The following OR2L13 variants were observed in gnomAD, a reference collection of about 807,000 sequenced individuals.
The protein encoded by OR2L13 is olfactory receptor 2L13.
A neutral mutation model predicts 15.3 loss-of-function variants in OR2L13; 14 were observed. The observed-to-expected ratio is 0.91, with a 90% CI of 0.60 to 1.43. OR2L13 has a LOEUF of 1.43. Ranked by LOEUF, OR2L13 falls within the 40% of genes most tolerant of loss-of-function variation. The probability of loss-of-function intolerance (pLI) is 0.00; values close to 1 mark genes in which losing one functional copy is unlikely to be tolerated. For missense variants in OR2L13, 367 were observed against 387.9 expected (o/e 0.95, Z 0.45); for synonymous variants, 152 against 142.9 (o/e 1.06, Z -0.45).
the OR2L13 span, among the ~76,000 whole-genome samples, chr1:247,956,503 G>A: frequency 0.28 from 41,957 of 149,026 alleles, 6,133 homozygotes; most frequent in East Asian, 0.42. Context: ...AGCTTGATGG[G>A]GATGGCATTG....
At chr1:247,944,768 T>C in the OR2L13 span, among the ~76,000 whole-genome samples, 1 of 152,282 alleles carries the variant, frequency 6.6e-6, no homozygotes, top group East Asian at 1.9e-4. Flanking sequence ...GCAATGGACA[T>C]ACACGTGCAT....
At chr1:247,962,779 A>G in the OR2L13 span, among the ~76,000 whole-genome samples, 1 of 152,230 alleles carries the variant, frequency 6.6e-6, no homozygotes, top group Non-Finnish European at 1.5e-5. Context: ...AGATAGTTGC[A>G]TGTTTTAAAG....
chr1:248,020,888 T>C, the OR2L13 span, among the ~76,000 whole-genome samples: 1 of 151,392 alleles, frequency 6.6e-6, no homozygotes, highest in African/African-American at 2.4e-5. Flanking sequence ...CATATGTATA[T>C]ATGGGACCAA....
the OR2L13 span, among the ~76,000 whole-genome samples, chr1:248,076,619 G>C: frequency 3.9e-5 from 6 of 152,160 alleles, no homozygotes; most frequent in African/African-American, 1.4e-4. Flanking sequence ...TTGTGAATGG[G>C]AGTTCACTCA....
At chr1:248,000,174 C>T in the OR2L13 span, among the ~76,000 whole-genome samples, 691 of 145,330 alleles carry the variant, frequency 4.8e-3, 6 homozygotes, top group African/African-American at 0.017. Context: ...TGCAAATAAT[C>T]CTATCAATTT....
the OR2L13 span, chr1:247,966,011 T>C: frequency 2.5e-6 from 4 of 1,613,510 alleles, no homozygotes; most frequent in Non-Finnish European, 3.4e-6. Flanking sequence ...CTACCATTCC[T>C]AGCCATTCTG....
chr1:247,957,670 G>A, the OR2L13 span, among the ~76,000 whole-genome samples: 1 of 152,152 alleles, frequency 6.6e-6, no homozygotes, highest in African/African-American at 2.4e-5. Flanking sequence ...TTTAGCCTTA[G>A]GAGGGTGTAT....
At chr1:248,079,657 G>A in the OR2L13 span, among the ~76,000 whole-genome samples, 1 of 152,098 alleles carries the variant, frequency 6.6e-6, no homozygotes, top group Non-Finnish European at 1.5e-5. Flanking sequence ...GCCCCACATA[G>A]ATACATAATT....
chr1:248,032,331 A>G, the OR2L13 span, among the ~76,000 whole-genome samples: 2 of 152,112 alleles, frequency 1.3e-5, no homozygotes, highest in East Asian at 3.8e-4. Flanking sequence ...ATGAGATAAT[A>G]CATATTATCT....
the OR2L13 span, chr1:248,038,280 A>G: frequency 6.2e-7 from 1 of 1,607,216 alleles, no homozygotes; most frequent in Non-Finnish European, 8.5e-7. Context: ...GGAAAATTAC[A>G]ATCAAACATC....
chr1:248,044,839 A>C, the OR2L13 span, among the ~76,000 whole-genome samples: 1 of 148,940 alleles, frequency 6.7e-6, no homozygotes, highest in Non-Finnish European at 1.5e-5. Flanking sequence ...AAAAAAAAAA[A>C]CGCCTTCCCC....
At chr1:247,953,149 A>T in the OR2L13 span, among the ~76,000 whole-genome samples, 1 of 152,126 alleles carries the variant, frequency 6.6e-6, no homozygotes, top group Non-Finnish European at 1.5e-5. Context: ...ATGAGAATGT[A>T]CTCCAGATAA....
chr1:247,982,856 A>G, the OR2L13 span, among the ~76,000 whole-genome samples: 1 of 152,102 alleles, frequency 6.6e-6, no homozygotes, highest in East Asian at 1.9e-4. Context: ...GTTATTTACT[A>G]TCTATAATGA....
the OR2L13 span, among the ~76,000 whole-genome samples, chr1:247,985,105 A>C: frequency 2.0e-5 from 3 of 151,226 alleles, no homozygotes; most frequent in African/African-American, 7.3e-5. Flanking sequence ...ATTATTTTTT[A>C]CTCTTTTTTT....
At chr1:248,007,606 A>C in the OR2L13 span, among the ~76,000 whole-genome samples, 1 of 152,218 alleles carries the variant, frequency 6.6e-6, no homozygotes, top group Non-Finnish European at 1.5e-5. Flanking sequence ...ATTACCTCAC[A>C]GAGTTCTTGG....
chr1:248,081,863 A>G, the OR2L13 span, among the ~76,000 whole-genome samples: 1 of 152,184 alleles, frequency 6.6e-6, no homozygotes, highest in East Asian at 1.9e-4. Flanking sequence ...GAAGCTCTAT[A>G]TGAAGCAGGA....
the OR2L13 span, chr1:248,004,187 A>T: frequency 1.3e-6 from 1 of 796,986 alleles, no homozygotes; most frequent in Non-Finnish European, 1.8e-6. Context: ...ACAGAAGAAA[A>T]AAAAATCACT....
the OR2L13 span, chr1:248,004,181 A>T: frequency 5.9e-6 from 5 of 849,782 alleles, no homozygotes; most frequent in Admixed American, 3.2e-5. Context: ...TAATCAACAG[A>T]AGAAAAAAAA....
chr1:248,020,329 A>G, the OR2L13 span, among the ~76,000 whole-genome samples: 1 of 152,152 alleles, frequency 6.6e-6, no homozygotes, highest in Non-Finnish European at 1.5e-5. Context: ...AGAAAACCCT[A>G]AAGACTCCTC....
Sources: gnomAD v4.1 joint callset for allele counts (sites outside exome capture counted in the v4.1 genomes callset) on GRCh38, gnomAD v4.1.1 for gene constraint, MANE v1.5 for transcripts, NCBI Gene and HGNC (gene_info 2026-07-23, HGNC 2026-07-21) for gene names.